The following SYNE1 variants were observed in gnomAD, a reference collection of about 807,000 sequenced individuals.
SYNE1 encodes spectrin repeat containing nuclear envelope protein 1.
In SYNE1, 616 loss-of-function variants were observed where a neutral mutation model predicts 1,111.0. The ratio of observed to expected loss-of-function variants is 0.55; its 90% CI spans 0.52 to 0.59. The LOEUF (loss-of-function observed/expected upper bound fraction) is 0.59, where lower values mean the gene tolerates loss of function less well. Among genes scored for constraint, SYNE1 ranks in the 20% least tolerant of loss-of-function variants. SYNE1 has a pLI of 0.00. For synonymous variants in SYNE1, 3,855 were observed against 3,825.8 expected (o/e 1.01, Z -0.28); for missense variants, 10,006 against 10,417.0 (o/e 0.96, Z 1.72).
At position 152,149,838 on chromosome 6, in the gene SYNE1, T is replaced by C. The variant is rs569920359; in HGVS notation, c.24451-170A>G. Among the ~76,000 whole-genome samples, 12 of 152,310 alleles carry C rather than the reference T, an allele frequency of 7.9e-5. No homozygotes were observed. In the East Asian group the frequency reaches 2.3e-3, roughly 29 times the overall value. The stretch of plus-strand genomic sequence containing the variant: ...CTATTACCTTCTAAAGTAAAACATA[T>C]GCATTTTCAGCCAGAACAGGAGTCA... On this transcript the variant is annotated intron_variant, in intron 135 of 145. Coordinates refer to ENST00000367255, the MANE Select transcript of SYNE1 (RefSeq NM_182961.4).
intron 29 of SYNE1, among the ~76,000 whole-genome samples, chr6:152,445,814 C>T (rs1374131356): frequency 1.3e-5 from 2 of 152,008 alleles, no homozygotes; most frequent in Non-Finnish European, 2.9e-5. Flanking sequence ...GCTGAATGTG[C>T]CACATCCATC....
chr6:152,244,104 G>T (rs2153570330), intron 106 of SYNE1, among the ~76,000 whole-genome samples: 1 of 152,160 alleles, frequency 6.6e-6, no homozygotes, highest in African/African-American at 2.4e-5. Context: ...TATAGTGCTT[G>T]CCTTAGAAAA....
Position 152,526,185 on chromosome 6 carries a change from C to G in SYNE1, c.130-10G>C, listed in dbSNP as rs369367017. The G allele has an allele frequency of 6.2e-7, 1 of 1,612,858 alleles. No homozygotes were observed. Among genetic ancestry groups the G allele is most frequent in the Non-Finnish European group, 8.5e-7 (1 of 1,178,966 alleles). On this transcript the variant is annotated splice_polypyrimidine_tract_variant and intron_variant, in intron 4 of 145. Coordinates refer to ENST00000367255, the MANE Select transcript of SYNE1 (RefSeq NM_182961.4). ...CCATTGGAGGTTTCCGCTGTAAAAG[C>G]AAAGAGGAATAAGTGCAGAAAATAT...
rs747785 is a variant in SYNE1, at chr6:152,231,802, G to A, written c.20863-235C>T. 2.8e-3 allele frequency among the ~76,000 whole-genome samples: 419 copies of A among 149,612 alleles called. 1 individual carries two copies. The highest frequency in any genetic ancestry group is 5.1e-3 in the Non-Finnish European group (340 of 67,260). ...CGTGTGTATGTGTGTGTGTGTGTGT[G>A]TATATATATATTTAGGTAGAAGATT... On this transcript the variant is annotated intron_variant, in intron 113 of 145. Coordinates refer to ENST00000367255, the MANE Select transcript of SYNE1 (RefSeq NM_182961.4).
intron 75 of SYNE1, among the ~76,000 whole-genome samples, chr6:152,337,472 A>G (rs773624838): frequency 1.3e-5 from 2 of 152,216 alleles, no homozygotes; most frequent in Non-Finnish European, 2.9e-5. Context: ...TATTTTTAGT[A>G]GAGACAGGGT....
intron 99 of SYNE1, among the ~76,000 whole-genome samples, chr6:152,268,829 C>T (rs2092961779): frequency 6.6e-6 from 1 of 151,946 alleles, no homozygotes; most frequent in African/African-American, 2.4e-5. Flanking sequence ...AAAGGCTTTC[C>T]TGAGATTTAT....
chr6:152,234,708 T>C lies in SYNE1; in HGVS notation c.20489A>G (p.Gln6830Arg), dbSNP rs1367943856. The change falls in exon 111 of 146, where the codon CAA (glutamine) becomes CGA (arginine). Residue 6830 changes from glutamine to arginine, a missense_variant. Transcript: ENST00000367255. ...ATGATCACGGACCATTTCCAGCTCT[T>C]GTGGGACTGTCACAGATTGCTGAGT... ...FWTQQSVTVP[Q>R]ELEMVRDHLN... The C allele has an allele frequency of 6.2e-7, 1 of 1,614,228 alleles. No homozygotes were observed. Among genetic ancestry groups the C allele is most frequent in the Admixed American group, 1.7e-5 (1 of 60,018 alleles).
At chr6:152,537,601 T>TG (rs2099249730) in intron 4 of SYNE1, among the ~76,000 whole-genome samples, 1 of 152,034 alleles carries the variant, frequency 6.6e-6, no homozygotes, top group Non-Finnish European at 1.5e-5. Context: ...AAAAGATTTT[T>TG]TATTTAATTA....
chr6:152,398,509 C>T (rs945161504), intron 49 of SYNE1, 110 bp downstream of exon 49: 11 of 868,386 alleles, frequency 1.3e-5, no homozygotes, highest in Non-Finnish European at 1.9e-5. Context: ...CTGTTAGGGA[C>T]GAGGAAAAGA....
At chr6:152,626,394 C>T (rs1301439497) in intron 3 of SYNE1, among the ~76,000 whole-genome samples, 4 of 152,158 alleles carry the variant, frequency 2.6e-5, no homozygotes, top group African/African-American at 7.2e-5. Context: ...ACTTCCTTTC[C>T]ATCATTTCAT....
intron 14 of SYNE1, among the ~76,000 whole-genome samples, chr6:152,478,226 A>G (rs1309634313): frequency 6.6e-6 from 1 of 152,252 alleles, no homozygotes; most frequent in East Asian, 1.9e-4. Context: ...GATTTTAGAA[A>G]GAATGAGAGA....
At chr6:152,377,731 A>C (rs1212700685) in intron 56 of SYNE1, among the ~76,000 whole-genome samples, 1 of 144,056 alleles carries the variant, frequency 6.9e-6, no homozygotes, top group African/African-American at 2.6e-5. Flanking sequence ...TAACTTTTAC[A>C]TTAAAAATTT....
chr6:152,274,780 T>C (rs1006379454), intron 98 of SYNE1, among the ~76,000 whole-genome samples: 7 of 152,082 alleles, frequency 4.6e-5, no homozygotes, highest in Admixed American at 1.3e-4. Flanking sequence ...ATTTTTAGTA[T>C]AGACGGAGTT....
intron 143 of SYNE1, 120 bp downstream of exon 143, chr6:152,133,156 G>A: frequency 1.0e-6 from 1 of 987,282 alleles, no homozygotes; most frequent in Non-Finnish European, 1.6e-6. Context: ...AGCAGTGGCT[G>A]AAAGGAGACA....
At chr6:152,348,274 C>G (rs1256805163) in intron 72 of SYNE1, among the ~76,000 whole-genome samples, 2 of 152,214 alleles carry the variant, frequency 1.3e-5, no homozygotes, top group African/African-American at 2.4e-5. Context: ...AGGTATGGCA[C>G]AGCCCCCAGG....
intron 6 of SYNE1, among the ~76,000 whole-genome samples, chr6:152,518,576 A>G (rs1343338823): frequency 6.6e-6 from 1 of 152,094 alleles, no homozygotes; most frequent in African/African-American, 2.4e-5. Context: ...CAGAACCATG[A>G]GCCAATTAAA....
chr6:152,295,633 T>C (rs907538558), intron 93 of SYNE1, among the ~76,000 whole-genome samples: 5 of 150,648 alleles, frequency 3.3e-5, no homozygotes, highest in Non-Finnish European at 7.4e-5. Context: ...CACACACACA[T>C]ACACACACAA....
At chr6:152,384,451 G>T (rs1178769501) in intron 55 of SYNE1, among the ~76,000 whole-genome samples, 4 of 152,182 alleles carry the variant, frequency 2.6e-5, no homozygotes, top group Non-Finnish European at 5.9e-5. Flanking sequence ...ACGAAGAAAT[G>T]TATCAAAGAA....
chr6:152,177,616 C>T (rs539517154), intron 129 of SYNE1, among the ~76,000 whole-genome samples: 1 of 152,286 alleles, frequency 6.6e-6, no homozygotes, highest in South Asian at 2.1e-4. Flanking sequence ...CATTCCAGGG[C>T]TGACTGCTGT....
Sources: gnomAD v4.1 joint callset for allele counts (sites outside exome capture counted in the v4.1 genomes callset) on GRCh38, gnomAD v4.1.1 for gene constraint, MANE v1.5 for transcripts, NCBI Gene and HGNC (gene_info 2026-07-23, HGNC 2026-07-21) for gene names.